CFAP95: variants seen among roughly 807,000 people sequenced by gnomAD.
CFAP95 encodes cilia- and flagella-associated protein 95.
the CFAP95 span, among the ~76,000 whole-genome samples, chr9:69,876,900 G>A: frequency 1.3e-5 from 2 of 152,096 alleles, no homozygotes; most frequent in Admixed American, 1.3e-4. Flanking sequence ...CTCCCAAAGT[G>A]TTGGGATTAC....
the CFAP95 span, among the ~76,000 whole-genome samples, chr9:69,855,321 A>C: frequency 2.6e-5 from 4 of 152,252 alleles, no homozygotes; most frequent in Non-Finnish European, 5.9e-5. Flanking sequence ...AAAAATCATC[A>C]GAGCATATCT....
the CFAP95 span, among the ~76,000 whole-genome samples, chr9:69,845,459 A>G: frequency 6.6e-6 from 1 of 152,140 alleles, no homozygotes; most frequent in Non-Finnish European, 1.5e-5. Flanking sequence ...CCCGCCCCCC[A>G]AGGCTGGGCT....
At chr9:69,878,924 G>A in the CFAP95 span, among the ~76,000 whole-genome samples, 7 of 152,106 alleles carry the variant, frequency 4.6e-5, no homozygotes, top group African/African-American at 1.4e-4. Flanking sequence ...CAGGCACATC[G>A]CATGGCAGAA....
At chr9:69,830,481 G>A in the CFAP95 span, among the ~76,000 whole-genome samples, 1 of 152,100 alleles carries the variant, frequency 6.6e-6, no homozygotes, top group Non-Finnish European at 1.5e-5. Flanking sequence ...TACAATTGAT[G>A]CTATTTTGAC....
the CFAP95 span, chr9:69,820,830 A>C: frequency 6.4e-7 from 1 of 1,569,392 alleles, no homozygotes; most frequent in Non-Finnish European, 8.7e-7. Context: ...CCTGCCGGGC[A>C]GGACAGGTGC....
At chr9:69,873,717 C>T in the CFAP95 span, among the ~76,000 whole-genome samples, 297 of 152,312 alleles carry the variant, frequency 1.9e-3, 4 homozygotes, top group Admixed American at 0.019. Context: ...GTCACATGCC[C>T]TTGTTCTGGC....
At chr9:69,880,618 C>T in the CFAP95 span, among the ~76,000 whole-genome samples, 1 of 152,210 alleles carries the variant, frequency 6.6e-6, no homozygotes, top group Non-Finnish European at 1.5e-5. Context: ...CTGCAACAAA[C>T]TTGGGAGTGC....
the CFAP95 span, among the ~76,000 whole-genome samples, chr9:69,866,448 G>A: frequency 6.6e-6 from 1 of 152,206 alleles, no homozygotes; most frequent in African/African-American, 2.4e-5. Context: ...AAATCCCAGA[G>A]TTCAAATGCC....
chr9:69,858,256 G>T, the CFAP95 span: 2 of 429,996 alleles, frequency 4.7e-6, no homozygotes, highest in South Asian at 4.8e-5. Context: ...GTCAATACTC[G>T]TGGTTCTGTC....
the CFAP95 span, among the ~76,000 whole-genome samples, chr9:69,866,486 G>A: frequency 6.6e-6 from 1 of 152,186 alleles, no homozygotes; most frequent in Non-Finnish European, 1.5e-5. Context: ...GATGTCCAAG[G>A]TCAAGAGAAA....
At chr9:69,832,836 C>G in the CFAP95 span, among the ~76,000 whole-genome samples, 2 of 151,572 alleles carry the variant, frequency 1.3e-5, no homozygotes, top group Non-Finnish European at 2.9e-5. Context: ...CCAATGGTAT[C>G]CCTCCCTATT....
chr9:69,885,568 C>T, the CFAP95 span, among the ~76,000 whole-genome samples: 6 of 152,192 alleles, frequency 3.9e-5, no homozygotes, highest in Non-Finnish European at 7.3e-5. Context: ...TAATGACTAT[C>T]CTCTTCAGTT....
chr9:69,824,800 C>T, the CFAP95 span, among the ~76,000 whole-genome samples: 1 of 152,248 alleles, frequency 6.6e-6, no homozygotes, highest in African/African-American at 2.4e-5. Flanking sequence ...TATGTCTTGA[C>T]TGACAAAAAT....
chr9:69,889,685 C>T, the CFAP95 span, among the ~76,000 whole-genome samples: 1 of 152,086 alleles, frequency 6.6e-6, no homozygotes, highest in Non-Finnish European at 1.5e-5. Flanking sequence ...TCTTTCTTTG[C>T]TGCAACACCT....
chr9:69,888,887 A>AAG, the CFAP95 span, among the ~76,000 whole-genome samples: 1 of 150,970 alleles, frequency 6.6e-6, no homozygotes, highest in Admixed American at 6.6e-5. Context: ...CAAAAAGGGA[A>AAG]AAAAAAAAAA....
At chr9:69,822,531 C>CA in the CFAP95 span, among the ~76,000 whole-genome samples, 15 of 152,298 alleles carry the variant, frequency 9.8e-5, no homozygotes, top group Non-Finnish European at 1.5e-4. Context: ...AGCTCTCAAG[C>CA]AAAACACTTA....
chr9:69,862,023 G>A, the CFAP95 span, among the ~76,000 whole-genome samples: 1 of 152,236 alleles, frequency 6.6e-6, no homozygotes, highest in Middle Eastern at 3.4e-3. Flanking sequence ...GCAATTGTTT[G>A]CATTCTTCTC....
At chr9:69,848,482 GA>G in the CFAP95 span, among the ~76,000 whole-genome samples, 10 of 152,282 alleles carry the variant, frequency 6.6e-5, no homozygotes, top group Non-Finnish European at 2.9e-5. Context: ...AAGTCTACCA[GA>G]ACCTCCCAAG....
the CFAP95 span, chr9:69,886,787 A>G: frequency 7.3e-7 from 1 of 1,371,708 alleles, no homozygotes; most frequent in South Asian, 1.2e-5. Flanking sequence ...AAAATGTAAA[A>G]TATTTTTCGT....
Sources: allele counts gnomAD v4.1 joint callset (sites outside exome capture counted in the v4.1 genomes callset), GRCh38; gene constraint gnomAD v4.1.1; transcripts MANE v1.5; gene names NCBI Gene and HGNC (gene_info 2026-07-23, HGNC 2026-07-21).